Variants in CADM2 observed in about 807,000 individuals in gnomAD.
CADM2 encodes the protein cell adhesion molecule 2, also known as immunoglobulin superfamily member 4D.
CADM2 carries 12 observed loss-of-function variants against 49.8 expected under a neutral mutation model. That is an observed-to-expected ratio of 0.24 (90% CI 0.15 to 0.39). The LOEUF is 0.39. Ranked by LOEUF, CADM2 falls within the 10% of genes least tolerant of loss-of-function variation. CADM2 has a pLI of 1.00. For synonymous variants in CADM2, 214 were observed against 175.4 expected, an observed-to-expected ratio of 1.22 and a Z score of -1.74; for missense variants, 378 against 492.3, an observed-to-expected ratio of 0.77 and a Z score of 2.20.
chr3:84,967,138 T>C (rs1160761816), intron 1 of CADM2, among the ~76,000 whole-genome samples: 5 of 152,100 alleles, frequency 3.3e-5, no homozygotes, highest in East Asian at 1.9e-4. Flanking sequence ...GACAAAGATA[T>C]GCTGCCGACT....
intron 8 of CADM2, among the ~76,000 whole-genome samples, chr3:86,037,603 G>T (rs1735326829): frequency 6.6e-6 from 1 of 151,994 alleles, no homozygotes; most frequent in African/African-American, 2.4e-5. Context: ...TAACATATGA[G>T]CACACCTGAA....
intron 1 of CADM2, among the ~76,000 whole-genome samples, chr3:85,543,423 T>TGTGTGGGGGTGTGTGTGTGTGTGGGG (rs143013783): frequency 2.1e-4 from 21 of 99,284 alleles, no homozygotes; most frequent in South Asian, 4.7e-4. Flanking sequence ...CAAGCTAATG[T>TGTGTGGGGGTGTGTGTGTGTGTGGGG]GTGTGTGTGT....
chr3:85,032,851 C>A (rs925629288), intron 1 of CADM2, among the ~76,000 whole-genome samples: 5 of 152,072 alleles, frequency 3.3e-5, no homozygotes, highest in Admixed American at 2.0e-4. Flanking sequence ...GCCTTCCTTC[C>A]TGCCAATTTA....
intron 1 of CADM2, among the ~76,000 whole-genome samples, chr3:85,373,986 G>T (rs1428500936): frequency 6.6e-6 from 1 of 152,114 alleles, no homozygotes; most frequent in Non-Finnish European, 1.5e-5. Context: ...ATGCCCTGTA[G>T]ACATTTTCCC....
At chr3:85,794,808 A>G (rs1180182518) in intron 2 of CADM2, among the ~76,000 whole-genome samples, 1 of 152,084 alleles carries the variant, frequency 6.6e-6, no homozygotes, top group African/African-American at 2.4e-5. Flanking sequence ...AAAGTATCTA[A>G]TTACTTTGCG....
chr3:85,862,304 A>G (rs2075566549), intron 3 of CADM2, among the ~76,000 whole-genome samples: 1 of 152,164 alleles, frequency 6.6e-6, no homozygotes, highest in Admixed American at 6.5e-5. Context: ...TCAAGAAAAT[A>G]TAATTTTATA....
At chr3:85,693,206 G>A (rs1017497777) in intron 1 of CADM2, among the ~76,000 whole-genome samples, 13 of 151,428 alleles carry the variant, frequency 8.6e-5, no homozygotes, top group Non-Finnish European at 1.8e-4. Context: ...TCTAGATTGC[G>A]CCACTGCACT....
intron 5 of CADM2, among the ~76,000 whole-genome samples, chr3:85,904,407 G>C (rs1716519463): frequency 6.6e-6 from 1 of 152,126 alleles, no homozygotes; most frequent in African/African-American, 2.4e-5. Flanking sequence ...CTTCTGGAAA[G>C]GACCGTAGTC....
chr3:85,507,819 G>A (rs747950063), intron 1 of CADM2, among the ~76,000 whole-genome samples: 3 of 151,948 alleles, frequency 2.0e-5, no homozygotes, highest in Non-Finnish European at 4.4e-5. Context: ...TGTTTCTGGG[G>A]GATAATTTAA....
At chr3:85,761,035 C>T (rs2069345894) in intron 2 of CADM2, among the ~76,000 whole-genome samples, 1 of 152,098 alleles carries the variant, frequency 6.6e-6, no homozygotes, top group African/African-American at 2.4e-5. Flanking sequence ...TGGCCATTTT[C>T]TTTAGTTCAA....
At chr3:85,110,055 T>A (rs2038393061) in intron 1 of CADM2, among the ~76,000 whole-genome samples, 1 of 151,918 alleles carries the variant, frequency 6.6e-6, no homozygotes, top group African/African-American at 2.4e-5. Flanking sequence ...CTTGGAAAAA[T>A]ACAAGTATTC....
At position 85,552,378 on chromosome 3, in the gene CADM2, T is replaced by G. The variant is rs964326617; in HGVS notation, c.62-174144T>G. Among the ~76,000 whole-genome samples the G allele has an allele frequency of 1.6e-3, 223 of 140,148 alleles. 2 individuals are homozygous for G. The highest frequency in any genetic ancestry group is 5.7e-3 in the African/African-American group (211 of 36,808). The allele number at this position is 140,148 out of a possible 152,430, so 91.9% of individuals were successfully genotyped here. On this transcript the variant is annotated intron_variant, in intron 1 of 9. Coordinates refer to ENST00000383699, the MANE Select transcript of CADM2 (RefSeq NM_001167675.2). ...ATCACTTTGAAAAGTTTTTTTTTTT[T>G]TTTTTTTTTTTTTTTTTTGAGACGT... is the stretch of plus-strand genomic sequence containing the variant.
At chr3:85,018,700 G>A (rs1409362776) in intron 1 of CADM2, among the ~76,000 whole-genome samples, 1 of 151,998 alleles carries the variant, frequency 6.6e-6, no homozygotes, top group East Asian at 1.9e-4. Flanking sequence ...CATGAAGACT[G>A]GCCTTTTATA....
chr3:85,569,155 G>C (rs1261545786), intron 1 of CADM2, among the ~76,000 whole-genome samples: 1 of 152,166 alleles, frequency 6.6e-6, no homozygotes, highest in African/African-American at 2.4e-5. Context: ...ACCCAATCCT[G>C]ATTTCTGGCT....
intron 1 of CADM2, among the ~76,000 whole-genome samples, chr3:85,446,275 G>A (rs2037446342): frequency 1.3e-5 from 2 of 151,934 alleles, no homozygotes; most frequent in African/African-American, 4.8e-5. Flanking sequence ...TCTGAGCCTG[G>A]GTATTAATTT....
chr3:85,576,232 T>C (rs1013555382), intron 1 of CADM2, among the ~76,000 whole-genome samples: 2 of 152,180 alleles, frequency 1.3e-5, no homozygotes. Context: ...ATCTCTGCTT[T>C]AGAAGCAGTT....
chr3:84,960,015 AC>A, intron 1 of CADM2: 1 of 357,276 alleles, frequency 2.8e-6, no homozygotes, highest in Non-Finnish European at 5.1e-6. Flanking sequence ...CCTCCCGACA[AC>A]CCCCACCAGC....
At chr3:85,701,930 GAAAA>G (rs1213313016) in intron 1 of CADM2, among the ~76,000 whole-genome samples, 1 of 150,652 alleles carries the variant, frequency 6.6e-6, no homozygotes, top group Non-Finnish European at 1.5e-5. Flanking sequence ...AAGGAAGAAA[GAAAA>G]AGAAAGAAGA....
Position 85,893,010 on chromosome 3 carries a change from A to T in CADM2, c.529+6683A>T, listed in dbSNP as rs551704188. Among the ~76,000 whole-genome samples the T allele has an allele frequency of 5.0e-4, 76 of 152,278 alleles. 1 individual carries two copies. The highest frequency in any genetic ancestry group is 9.8e-4 in the Non-Finnish European group (67 of 68,026). On this transcript the variant is annotated intron_variant, in intron 5 of 9. Coordinates refer to ENST00000383699, the MANE Select transcript of CADM2 (RefSeq NM_001167675.2). ...CAGCCTCAGGTGGTCTCAGAGGGAG[A>T]TGAGAAACTTGTTGGGAAGTGGAGT...
Sources: allele counts gnomAD v4.1 joint callset (sites outside exome capture counted in the v4.1 genomes callset), GRCh38; gene constraint gnomAD v4.1.1; transcripts MANE v1.5; gene names NCBI Gene and HGNC (gene_info 2026-07-23, HGNC 2026-07-21).